KLHL1: variants seen among roughly 807,000 people sequenced by gnomAD.
KLHL1 encodes kelch like family member 1, also known as kelch-like protein 1.
Under a neutral mutation model 77.7 loss-of-function variants are expected in KLHL1, and 47 were observed. That is an observed-to-expected ratio of 0.60 (90% CI 0.48 to 0.77). The LOEUF is 0.77. Among genes scored for constraint, KLHL1 ranks in the 30% least tolerant of loss-of-function variants. The probability of loss-of-function intolerance (pLI) is 0.00; values close to 1 mark genes in which losing one functional copy is unlikely to be tolerated. For missense variants in KLHL1, 925 were observed against 910.8 expected (o/e 1.02, Z -0.20); for synonymous variants, 360 against 325.2 (o/e 1.11, Z -1.15).
intron 4 of KLHL1, among the ~76,000 whole-genome samples, chr13:69,937,682 A>G (rs1883229295): frequency 1.3e-5 from 2 of 152,148 alleles, no homozygotes; most frequent in African/African-American, 4.8e-5. Flanking sequence ...ATTCTCCAGT[A>G]TTTTGCATGA....
intron 6 of KLHL1, among the ~76,000 whole-genome samples, chr13:69,808,279 G>A (rs912350514): frequency 2.6e-5 from 4 of 152,038 alleles, no homozygotes; most frequent in Admixed American, 1.3e-4. Context: ...CTGAGGGAGG[G>A]TGCTTTTCTT....
At chr13:70,067,102 A>G (rs1887027075) in intron 1 of KLHL1, among the ~76,000 whole-genome samples, 2 of 152,226 alleles carry the variant, frequency 1.3e-5, no homozygotes, top group Admixed American at 1.3e-4. Context: ...TAAATGGTTC[A>G]GCTTGACAAA....
intron 4 of KLHL1, among the ~76,000 whole-genome samples, chr13:69,901,335 C>T (rs2138226709): frequency 6.6e-6 from 1 of 152,262 alleles, no homozygotes; most frequent in South Asian, 2.1e-4. Flanking sequence ...TAACCTAAGT[C>T]ACCTTTACAC....
chr13:70,056,004 A>G (rs1162665749), intron 1 of KLHL1, among the ~76,000 whole-genome samples: 5 of 152,024 alleles, frequency 3.3e-5, no homozygotes, highest in Admixed American at 6.6e-5. Flanking sequence ...AATGGACTGA[A>G]CTCCAATCAA....
At chr13:69,891,870 A>G (rs750240739) in intron 4 of KLHL1, among the ~76,000 whole-genome samples, 1 of 152,014 alleles carries the variant, frequency 6.6e-6, no homozygotes, top group Admixed American at 6.5e-5. Context: ...ATGTAGGAGA[A>G]AGGAGCCTAT....
intron 1 of KLHL1, among the ~76,000 whole-genome samples, chr13:69,983,821 C>T (rs562960130): frequency 6.6e-6 from 1 of 151,970 alleles, no homozygotes; most frequent in East Asian, 1.9e-4. Flanking sequence ...ACCAAAATAG[C>T]ATGGCACAGG....
At chr13:70,004,531 T>G (rs1440065390) in intron 1 of KLHL1, among the ~76,000 whole-genome samples, 1 of 151,800 alleles carries the variant, frequency 6.6e-6, no homozygotes, top group Admixed American at 6.6e-5. Flanking sequence ...CCCTGACTAG[T>G]CCACGTTTCC....
intron 7 of KLHL1, among the ~76,000 whole-genome samples, chr13:69,788,561 A>C (rs12429752): frequency 0.072 from 10,924 of 152,176 alleles, 509 homozygotes; most frequent in Non-Finnish European, 0.1. Flanking sequence ...GCCTAATGCT[A>C]AATGATGAGT....
At chr13:70,020,869 CA>C (rs904940397) in intron 1 of KLHL1, among the ~76,000 whole-genome samples, 8 of 151,706 alleles carry the variant, frequency 5.3e-5, no homozygotes, top group African/African-American at 1.9e-4. Context: ...TTTATATATA[CA>C]TACTTTATTT....
chr13:70,106,959 G>A (rs558848202), intron 1 of KLHL1, among the ~76,000 whole-genome samples: 24 of 152,338 alleles, frequency 1.6e-4, no homozygotes, highest in African/African-American at 5.1e-4. Context: ...AAAAATGCAT[G>A]TAAGTTCAAT....
At chr13:69,958,360 T>C (rs1160076908) in intron 3 of KLHL1, among the ~76,000 whole-genome samples, 1 of 151,806 alleles carries the variant, frequency 6.6e-6, no homozygotes. Context: ...GTAACAAATG[T>C]TGGATGAGTT....
chr13:69,982,161 A>G (rs1248326705), intron 1 of KLHL1, among the ~76,000 whole-genome samples: 1 of 151,852 alleles, frequency 6.6e-6, no homozygotes, highest in African/African-American at 2.4e-5. Flanking sequence ...TAAAAATAAA[A>G]AGTGGCTCAT....
intron 6 of KLHL1, among the ~76,000 whole-genome samples, chr13:69,816,613 T>C (rs1240106252): frequency 2.6e-5 from 4 of 152,138 alleles, no homozygotes; most frequent in African/African-American, 9.7e-5. Context: ...ACCATAAATA[T>C]TTCTTAGCGC....
intron 7 of KLHL1, among the ~76,000 whole-genome samples, chr13:69,791,878 T>A (rs1876890314): frequency 6.6e-6 from 1 of 152,136 alleles, no homozygotes; most frequent in Non-Finnish European, 1.5e-5. Flanking sequence ...AGAAAATAAT[T>A]TTTTGGATTT....
At position 69,818,219 on chromosome 13, in the gene KLHL1, C is replaced by CTTTTTTT. The variant is rs1316398623; in HGVS notation, c.1414+20750_1414+20756dup. On this transcript the variant is annotated intron_variant, in intron 6 of 10. Coordinates refer to ENST00000377844, the MANE Select transcript of KLHL1 (RefSeq NM_020866.3). The stretch of plus-strand genomic sequence containing the variant: ...AGAATTTAACTTAACTCATAGGCAT[C>CTTTTTTT]TTTTTTTTTTTTTTTTTTTTGAGAC... Among the ~76,000 whole-genome samples the CTTTTTTT allele has an allele frequency of 6.7e-3, 757 of 112,844 alleles. 109 individuals carry two copies. Among genetic ancestry groups the CTTTTTTT allele is most frequent in the African/African-American group, 0.028 (694 of 25,072 alleles). 74.0% of individuals were successfully genotyped at this position (112,844 alleles called of 152,430 possible). A position where few individuals can be genotyped will look rare whatever the true frequency, so the allele number is the denominator to read the frequency against.
At chr13:69,744,357 G>A (rs987155404) in intron 7 of KLHL1, among the ~76,000 whole-genome samples, 2 of 152,004 alleles carry the variant, frequency 1.3e-5, no homozygotes, top group Admixed American at 1.3e-4. Context: ...TTTGAAAATA[G>A]GTTCTGCACA....
At chr13:70,006,849 T>C (rs1213674973) in intron 1 of KLHL1, among the ~76,000 whole-genome samples, 1 of 152,040 alleles carries the variant, frequency 6.6e-6, no homozygotes, top group African/African-American at 2.4e-5. Context: ...TTGCAAAGAA[T>C]ATATGTTTTC....
At chr13:69,701,840 C>T in intron 10 of KLHL1, 79 bp from the exon 11 acceptor site, 1 of 1,003,564 alleles carries the variant, frequency 1.0e-6, no homozygotes, top group African/African-American at 1.7e-5. Flanking sequence ...AGATTATCTA[C>T]ATGAAAATCA....
intron 6 of KLHL1, among the ~76,000 whole-genome samples, chr13:69,807,212 C>T (rs1384383415): frequency 6.6e-6 from 1 of 152,150 alleles, no homozygotes; most frequent in Non-Finnish European, 1.5e-5. Flanking sequence ...TTGGACTGCA[C>T]TCCCCATGGC....
Sources: allele counts gnomAD v4.1 joint callset (sites outside exome capture counted in the v4.1 genomes callset), GRCh38; gene constraint gnomAD v4.1.1; transcripts MANE v1.5; gene names NCBI Gene and HGNC (gene_info 2026-07-23, HGNC 2026-07-21).